The following ARNT2 variants were observed in gnomAD, a reference collection of about 807,000 sequenced individuals.
ARNT2 encodes the protein aryl hydrocarbon receptor nuclear translocator 2, also known as ARNT protein 2.
ARNT2 carries 36 observed loss-of-function variants against 91.7 expected under a neutral mutation model. The observed-to-expected ratio is 0.39, with a 90% CI of 0.30 to 0.52. ARNT2 has a LOEUF of 0.52. Ranked by LOEUF, ARNT2 falls within the 20% of genes least tolerant of loss-of-function variation. ARNT2 has a pLI of 0.72. For synonymous variants in ARNT2, 365 were observed against 347.1 expected, an observed-to-expected ratio of 1.05 and a Z score of -0.57; for missense variants, 775 against 939.3, an observed-to-expected ratio of 0.83 and a Z score of 2.29.
At chr15:80,544,950 T>C (rs749584159) in intron 8 of ARNT2, among the ~76,000 whole-genome samples, 2 of 152,122 alleles carry the variant, frequency 1.3e-5, no homozygotes, top group African/African-American at 2.4e-5. Flanking sequence ...TTCAAGGAGA[T>C]AGATAGACTG....
In ARNT2 at chr15:80,465,986, C is replaced by T. The variant is rs1348518219; in HGVS notation, c.195-4232C>T. 2.0e-5 allele frequency among the ~76,000 whole-genome samples: 3 copies of T among 152,226 alleles called. No individual in the cohort carries two copies. In the East Asian group the frequency reaches 5.8e-4, roughly 29 times the overall value. On this transcript the variant is annotated intron_variant, in intron 3 of 18. Transcript: ENST00000303329. Reference sequence around the variant, plus strand: ...CTCTGTCCTGTCCAGCACCCGTCTCCAGTACCCAGCACAGTAACTCCCAGA... The same window carrying T: ...CTCTGTCCTGTCCAGCACCCGTCTCTAGTACCCAGCACAGTAACTCCCAGA...
At chr15:80,489,337 C>T (rs2141410046) in intron 5 of ARNT2, among the ~76,000 whole-genome samples, 1 of 152,282 alleles carries the variant, frequency 6.6e-6, no homozygotes, top group African/African-American at 2.4e-5. Context: ...CATCTGCATC[C>T]AGTTTTCCCT....
At chr15:80,534,203 T>A (rs1165144383) in intron 8 of ARNT2, among the ~76,000 whole-genome samples, 1 of 152,230 alleles carries the variant, frequency 6.6e-6, no homozygotes. Flanking sequence ...AGAGTCGGAA[T>A]GGTACACCAC....
chr15:80,514,296 A>T, intron 7 of ARNT2, 24 bp from the exon 8 acceptor site: 1 of 1,613,056 alleles, frequency 6.2e-7, no homozygotes, highest in Non-Finnish European at 8.5e-7. Flanking sequence ...TGATGAAAAC[A>T]ATTTCACAAA....
At chr15:80,582,001 G>A (rs1307337720) in intron 17 of ARNT2, among the ~76,000 whole-genome samples, 2 of 152,176 alleles carry the variant, frequency 1.3e-5, no homozygotes, top group Non-Finnish European at 2.9e-5. Flanking sequence ...AGAGACCCGT[G>A]GTCCTGGTAA....
chr15:80,428,619 A>G (rs917873298), intron 1 of ARNT2, among the ~76,000 whole-genome samples: 2 of 152,268 alleles, frequency 1.3e-5, no homozygotes, highest in Non-Finnish European at 2.9e-5. Context: ...ACTTTAAGCC[A>G]GTCTTCCAAG....
chr15:80,581,435 G>C, intron 17 of ARNT2, 31 bp downstream of exon 17: 1 of 1,613,062 alleles, frequency 6.2e-7, no homozygotes, highest in South Asian at 1.1e-5. Context: ...TGAGATTCTG[G>C]GAAAGCCAGC....
chr15:80,511,900 C>T (rs1897347925), intron 6 of ARNT2, among the ~76,000 whole-genome samples: 1 of 152,046 alleles, frequency 6.6e-6, no homozygotes, highest in Non-Finnish European at 1.5e-5. Context: ...CTGATGAGCC[C>T]TGAATGTGAG....
At chr15:80,408,658 G>A (rs1476760103) in intron 1 of ARNT2, among the ~76,000 whole-genome samples, 2 of 152,156 alleles carry the variant, frequency 1.3e-5, no homozygotes, top group East Asian at 1.9e-4. Context: ...GGCTGGAACA[G>A]CCAAACCAGC....
chr15:80,575,208 A>C, intron 14 of ARNT2, 98 bp downstream of exon 14: 2 of 1,501,786 alleles, frequency 1.3e-6, no homozygotes, highest in South Asian at 2.5e-5. Context: ...GGGGCCACGG[A>C]AGGTGAGTTT....
At chr15:80,418,968 G>C (rs1439748749) in intron 1 of ARNT2, among the ~76,000 whole-genome samples, 2 of 152,226 alleles carry the variant, frequency 1.3e-5, no homozygotes, top group Non-Finnish European at 2.9e-5. Flanking sequence ...AAGAATGACA[G>C]AGTCTGTGCC....
chr15:80,452,382 A>G (rs1001878407), intron 2 of ARNT2, among the ~76,000 whole-genome samples: 3 of 152,176 alleles, frequency 2.0e-5, no homozygotes, highest in Non-Finnish European at 4.4e-5. Flanking sequence ...CCTGGGGCAA[A>G]GCTCCACAGA....
At chr15:80,481,058 G>A (rs1337305035) in intron 5 of ARNT2, among the ~76,000 whole-genome samples, 1 of 152,112 alleles carries the variant, frequency 6.6e-6, no homozygotes, top group African/African-American at 2.4e-5. Context: ...TTTGTAGAGA[G>A]CCTGAGCCAG....
At chr15:80,445,897 C>T (rs897733415) in intron 1 of ARNT2, among the ~76,000 whole-genome samples, 7 of 152,044 alleles carry the variant, frequency 4.6e-5, no homozygotes, top group African/African-American at 1.7e-4. Context: ...CCCCTCTGCC[C>T]CTCTGATCTC....
chr15:80,560,586 G>A (rs534633287), intron 11 of ARNT2, among the ~76,000 whole-genome samples: 10 of 152,266 alleles, frequency 6.6e-5, no homozygotes, highest in African/African-American at 1.9e-4. Context: ...TGTCTCGGGC[G>A]TTCTAGTTAG....
chr15:80,590,754 C>A (rs775549454), intron 17 of ARNT2, among the ~76,000 whole-genome samples: 4 of 152,190 alleles, frequency 2.6e-5, no homozygotes, highest in African/African-American at 9.7e-5. Context: ...ATGTAAAAAA[C>A]CAATTCCACT....
chr15:80,524,335 C>T (rs1362949278), intron 8 of ARNT2, among the ~76,000 whole-genome samples: 3 of 152,048 alleles, frequency 2.0e-5, no homozygotes, highest in Non-Finnish European at 4.4e-5. Flanking sequence ...TGTAGAATAA[C>T]CTGGCAGTGT....
chr15:80,445,894 G>A (rs1896294506), intron 1 of ARNT2, among the ~76,000 whole-genome samples: 1 of 152,062 alleles, frequency 6.6e-6, no homozygotes, highest in East Asian at 1.9e-4. Context: ...TGCCCCCTCT[G>A]CCCCTCTGAT....
chr15:80,489,813 C>A (rs1897027550), intron 5 of ARNT2, among the ~76,000 whole-genome samples: 1 of 152,188 alleles, frequency 6.6e-6, no homozygotes, highest in African/African-American at 2.4e-5. Context: ...CACCGACAGC[C>A]ATGGTGGGGG....
Sources: allele counts gnomAD v4.1 joint callset (sites outside exome capture counted in the v4.1 genomes callset), GRCh38; gene constraint gnomAD v4.1.1; transcripts MANE v1.5; gene names NCBI Gene and HGNC (gene_info 2026-07-23, HGNC 2026-07-21).